The following DLG2 variants were observed in gnomAD, a reference collection of about 807,000 sequenced individuals.
The protein encoded by DLG2 is discs large MAGUK scaffold protein 2.
Under a neutral mutation model 132.5 loss-of-function variants are expected in DLG2, and 45 were observed. The observed-to-expected ratio is 0.34, with a 90% CI of 0.27 to 0.44. The LOEUF (loss-of-function observed/expected upper bound fraction) is 0.44. DLG2 is among the 20% of genes least tolerant of loss of function. The pLI, the probability that DLG2 is intolerant of heterozygous loss-of-function variation, is 1.00. For synonymous variants in DLG2, 424 were observed against 419.6 expected, an observed-to-expected ratio of 1.01 and a Z score of -0.13; for missense variants, 1,045 against 1,196.9, an observed-to-expected ratio of 0.87 and a Z score of 1.87.
intron 7 of DLG2, among the ~76,000 whole-genome samples, chr11:84,442,417 G>A (rs1363666575): frequency 6.6e-6 from 1 of 151,980 alleles, no homozygotes; most frequent in Non-Finnish European, 1.5e-5. Flanking sequence ...TCTTAGCAAA[G>A]TAACACAGGA....
intron 11 of DLG2, among the ~76,000 whole-genome samples, chr11:84,031,535 G>A (rs1037103056): frequency 1.3e-5 from 2 of 152,124 alleles, no homozygotes; most frequent in Non-Finnish European, 2.9e-5. Context: ...AATGAAGTTG[G>A]TTTCTGCTTT....
chr11:83,490,803 A>G (rs1423977595), intron 21 of DLG2, among the ~76,000 whole-genome samples: 2 of 152,034 alleles, frequency 1.3e-5, no homozygotes, highest in African/African-American at 4.8e-5. Flanking sequence ...CATGAAAACC[A>G]TAAAAACTAA....
intron 10 of DLG2, among the ~76,000 whole-genome samples, chr11:84,093,033 CAAAAAA>C (rs562763060): frequency 1.1e-5 from 1 of 87,580 alleles, no homozygotes; most frequent in Non-Finnish European, 2.5e-5. Context: ...GAGTCTCCGT[CAAAAAA>C]AAAAAAAAAA....
intron 15 of DLG2, among the ~76,000 whole-genome samples, chr11:83,881,973 A>G (rs2066384561): frequency 6.6e-6 from 1 of 152,178 alleles, no homozygotes; most frequent in Non-Finnish European, 1.5e-5. Context: ...GAGAGATAAG[A>G]TCAAAAAATA....
intron 18 of DLG2, among the ~76,000 whole-genome samples, chr11:83,667,202 C>A (rs758502663): frequency 3.3e-5 from 5 of 151,882 alleles, no homozygotes; most frequent in Non-Finnish European, 7.4e-5. Flanking sequence ...TTTAGATAAC[C>A]TTTTCTTAGT....
chr11:84,310,901 A>G (rs1354508453), intron 7 of DLG2, among the ~76,000 whole-genome samples: 1 of 152,206 alleles, frequency 6.6e-6, no homozygotes, highest in Non-Finnish European at 1.5e-5. Flanking sequence ...GCTGCAAAGG[A>G]ACTATGAGGG....
intron 3 of DLG2, among the ~76,000 whole-genome samples, chr11:85,317,636 T>G (rs1013024980): frequency 4.6e-5 from 7 of 151,810 alleles, no homozygotes; most frequent in Admixed American, 3.3e-4. Context: ...GAGGACCCCA[T>G]TAAGTTCCCC....
intron 8 of DLG2, among the ~76,000 whole-genome samples, chr11:84,193,312 G>A (rs1343077232): frequency 6.6e-6 from 1 of 152,192 alleles, no homozygotes; most frequent in Non-Finnish European, 1.5e-5. Context: ...ACATCACCTG[G>A]TGTTAGACTG....
intron 14 of DLG2, among the ~76,000 whole-genome samples, chr11:83,935,167 G>A (rs902161252): frequency 7.9e-5 from 12 of 152,150 alleles, no homozygotes; most frequent in African/African-American, 2.9e-4. Context: ...CAGCTGGGAC[G>A]TCAAGGGCTC....
intron 6 of DLG2, among the ~76,000 whole-genome samples, chr11:84,867,905 T>A (rs2084841816): frequency 6.6e-6 from 1 of 151,936 alleles, no homozygotes. Context: ...AAACCCCATC[T>A]CTACTAAAAA....
chr11:83,627,850 T>A (rs1239575853), intron 19 of DLG2, among the ~76,000 whole-genome samples: 1 of 152,232 alleles, frequency 6.6e-6, no homozygotes, highest in East Asian at 1.9e-4. Flanking sequence ...AGTGTTCATA[T>A]TTCTCCACAT....
intron 16 of DLG2, among the ~76,000 whole-genome samples, chr11:83,859,366 C>A (rs1166596884): frequency 6.6e-6 from 1 of 152,154 alleles, no homozygotes; most frequent in African/African-American, 2.4e-5. Flanking sequence ...ACAATGAAAT[C>A]CAGGCTGAGG....
At chr11:85,405,947 T>C (rs982825674) in intron 3 of DLG2, among the ~76,000 whole-genome samples, 1 of 151,934 alleles carries the variant, frequency 6.6e-6, no homozygotes, top group Non-Finnish European at 1.5e-5. Context: ...ATAATACTGA[T>C]CTAAATAATC....
At position 83,462,001 on chromosome 11, in the gene DLG2, C is replaced by T; in HGVS notation, c.2821+1G>A. ...CACTACCAGGGTAAAAGTGAACTTA[C>T]CTGTAAAATATTCTCCAAATTCTTG... On this transcript the variant is annotated splice_donor_variant, in intron 27 of 27. Transcript: ENST00000376104. LOFTEE classifies it high-confidence loss of function. 6.3e-7 allele frequency: 1 copy of T among 1,596,006 alleles called. No homozygotes were observed. The highest frequency in any genetic ancestry group is 8.6e-7 in the Non-Finnish European group (1 of 1,163,592).
chr11:84,008,994 T>C (rs1822009086), intron 11 of DLG2, among the ~76,000 whole-genome samples: 1 of 151,748 alleles, frequency 6.6e-6, no homozygotes, highest in Non-Finnish European at 1.5e-5. Context: ...AAACTACCTC[T>C]CTTCTTGATG....
chr11:85,001,648 G>T lies in DLG2; in HGVS notation c.357+110013C>A, dbSNP rs140509834. Among the ~76,000 whole-genome samples the T allele has an allele frequency of 4.4e-3, 667 of 152,222 alleles. 1 individual carries two copies. The highest frequency in any genetic ancestry group is 7.5e-3 in the Non-Finnish European group (509 of 68,002). On this transcript the variant is annotated intron_variant, in intron 6 of 27. Coordinates refer to ENST00000376104, the MANE Select transcript of DLG2 (RefSeq NM_001142699.3). ...GGAAGAGCACAGAGGATTTTTTAAG[G>T]CAGTGAAAGTACTGCTTATGAAACT...
chr11:84,257,517 T>C (rs2097492529), intron 7 of DLG2, among the ~76,000 whole-genome samples: 2 of 152,156 alleles, frequency 1.3e-5, no homozygotes, highest in African/African-American at 2.4e-5. Context: ...AGACAAACAC[T>C]GTTATTCTCA....
intron 7 of DLG2, among the ~76,000 whole-genome samples, chr11:84,407,140 T>C (rs1019575270): frequency 6.6e-6 from 1 of 152,126 alleles, no homozygotes; most frequent in East Asian, 1.9e-4. Context: ...TCACCTTCTG[T>C]CTTGCTCTTC....
At chr11:83,790,088 A>G in intron 17 of DLG2, 1 of 1,020,424 alleles carries the variant, frequency 9.8e-7, no homozygotes, top group Non-Finnish European at 1.4e-6. Context: ...CAACGAGTGT[A>G]CCTGCATGAA....
Sources: gnomAD v4.1 joint callset for allele counts (sites outside exome capture counted in the v4.1 genomes callset) on GRCh38, gnomAD v4.1.1 for gene constraint, MANE v1.5 for transcripts, NCBI Gene and HGNC (gene_info 2026-07-23, HGNC 2026-07-21) for gene names.